The following AFAP1 variants were observed in gnomAD, a reference collection of about 807,000 sequenced individuals.
AFAP1 encodes actin filament-associated protein 1.
Under a neutral mutation model 93.9 loss-of-function variants are expected in AFAP1, and 75 were observed. The ratio of observed to expected loss-of-function variants is 0.80; its 90% CI spans 0.66 to 0.97. AFAP1 has a LOEUF of 0.97. AFAP1 is among the 50% of genes least tolerant of loss of function. The pLI is 0.00. For synonymous variants in AFAP1, 517 were observed against 430.7 expected (o/e 1.20, Z -2.48); for missense variants, 1,201 against 1,050.8 (o/e 1.14, Z -1.98).
chr4:7,876,512 G>GC (rs1717516475), intron 1 of AFAP1, among the ~76,000 whole-genome samples: 1 of 152,180 alleles, frequency 6.6e-6, no homozygotes, highest in Non-Finnish European at 1.5e-5. Context: ...CAGGGCAAGT[G>GC]CAAGTACACG....
intron 6 of AFAP1, among the ~76,000 whole-genome samples, chr4:7,819,917 C>T (rs1349553072): frequency 6.6e-6 from 1 of 152,248 alleles, no homozygotes; most frequent in Middle Eastern, 3.2e-3. Context: ...GCAGGTGCAA[C>T]AGTGCCTACC....
intron 9 of AFAP1, among the ~76,000 whole-genome samples, chr4:7,805,751 G>A (rs1041126029): frequency 6.6e-6 from 1 of 152,242 alleles, no homozygotes; most frequent in Non-Finnish European, 1.5e-5. Context: ...CACAGGCAGT[G>A]AGCCAATGAG....
intron 4 of AFAP1, among the ~76,000 whole-genome samples, chr4:7,844,972 C>G (rs1713511802): frequency 1.3e-5 from 2 of 152,226 alleles, no homozygotes; most frequent in African/African-American, 4.8e-5. Flanking sequence ...ATGGCAGAGT[C>G]TGCACAGAAG....
At chr4:7,912,096 T>G (rs1406981662) in intron 1 of AFAP1, among the ~76,000 whole-genome samples, 3 of 152,162 alleles carry the variant, frequency 2.0e-5, no homozygotes, top group Non-Finnish European at 2.9e-5. Flanking sequence ...GTATTATGCA[T>G]GATGGTGGTT....
intron 4 of AFAP1, among the ~76,000 whole-genome samples, chr4:7,844,939 A>G (rs1713507749): frequency 6.6e-6 from 1 of 152,260 alleles, no homozygotes; most frequent in Admixed American, 6.5e-5. Context: ...ACAATGGCCA[A>G]TGCGGTTGCA....
intron 1 of AFAP1, among the ~76,000 whole-genome samples, chr4:7,925,259 C>T (rs1720663688): frequency 6.6e-6 from 1 of 152,208 alleles, no homozygotes; most frequent in Non-Finnish European, 1.5e-5. Context: ...CCTGGAGAGA[C>T]CATATACCCC....
At chr4:7,767,365 T>A (rs988548482) in intron 17 of AFAP1, among the ~76,000 whole-genome samples, 1 of 152,138 alleles carries the variant, frequency 6.6e-6, no homozygotes, top group Non-Finnish European at 1.5e-5. Flanking sequence ...CCACAGAATT[T>A]TCAGTCCAAT....
intron 2 of AFAP1, 44 bp from the exon 3 acceptor site, chr4:7,868,763 A>G: frequency 2.6e-6 from 4 of 1,558,346 alleles, no homozygotes; most frequent in Non-Finnish European, 3.5e-6. Context: ...GAGGATGGGG[A>G]TGAGAAGGGT....
chr4:7,787,707 G>T (rs1717434597), intron 11 of AFAP1, among the ~76,000 whole-genome samples: 1 of 152,302 alleles, frequency 6.6e-6, no homozygotes, highest in Middle Eastern at 3.4e-3. Flanking sequence ...TCCCCTTCAA[G>T]GAGGGCAGGC....
intron 1 of AFAP1, among the ~76,000 whole-genome samples, chr4:7,929,017 C>A (rs535134077): frequency 6.6e-6 from 1 of 152,206 alleles, no homozygotes; most frequent in African/African-American, 2.4e-5. Flanking sequence ...GCAGAGGCTT[C>A]GGAAATGCCT....
At chr4:7,883,185 CAAA>C (rs34238719) in intron 1 of AFAP1, among the ~76,000 whole-genome samples, 1 of 49,962 alleles carries the variant, frequency 2.0e-5, no homozygotes, top group African/African-American at 7.6e-5. Flanking sequence ...AACCCTATCT[CAAA>C]AAAAAAAAAA....
intron 17 of AFAP1, among the ~76,000 whole-genome samples, chr4:7,765,460 C>T (rs575066779): frequency 2.6e-4 from 39 of 152,324 alleles, no homozygotes; most frequent in Non-Finnish European, 5.1e-4. Context: ...TGTACCTGCC[C>T]CTCCCTACTG....
At chr4:7,885,955 A>G (rs1455403425) in intron 1 of AFAP1, among the ~76,000 whole-genome samples, 2 of 152,126 alleles carry the variant, frequency 1.3e-5, no homozygotes, top group African/African-American at 4.8e-5. Flanking sequence ...GTCCTTGCAT[A>G]TTTTCCCTTA....
intron 3 of AFAP1, among the ~76,000 whole-genome samples, chr4:7,858,803 A>G (rs1307168235): frequency 6.6e-6 from 1 of 152,228 alleles, no homozygotes; most frequent in African/African-American, 2.4e-5. Context: ...AACAACCTTC[A>G]GTGCCCACCC....
chr4:7,860,878 G>C (rs2149156748), intron 3 of AFAP1, among the ~76,000 whole-genome samples: 1 of 152,234 alleles, frequency 6.6e-6, no homozygotes, highest in Non-Finnish European at 1.5e-5. Flanking sequence ...CCGCGCCCAA[G>C]GCAGACCCAG....
rs796486190 is a variant in AFAP1, at chr4:7,850,670, A to G, written c.334+4796T>C. On this transcript the variant is annotated intron_variant, in intron 4 of 17. Coordinates refer to ENST00000420658, the MANE Select transcript of AFAP1 (RefSeq NM_001134647.2). ...GCCAGCACAGGGCGCCAGGCCCTGC[A>G]GAAGCTGTGGCATGTTGCGCACCCT... 6.4e-4 allele frequency among the ~76,000 whole-genome samples: 97 copies of G among 152,352 alleles called. 1 individual carries two copies. The highest frequency in any genetic ancestry group is 2.2e-3 in the African/African-American group (93 of 41,586).
chr4:7,929,551 C>T (rs1217402504), intron 1 of AFAP1, among the ~76,000 whole-genome samples: 1 of 152,210 alleles, frequency 6.6e-6, no homozygotes, highest in Non-Finnish European at 1.5e-5. Context: ...AAATACACCT[C>T]CTCTGTGATG....
chr4:7,883,388 T>C (rs975607902), intron 1 of AFAP1, among the ~76,000 whole-genome samples: 1 of 152,054 alleles, frequency 6.6e-6, no homozygotes, highest in Admixed American at 6.6e-5. Flanking sequence ...CTTGATAAAA[T>C]ACATGTACTA....
intron 8 of AFAP1, among the ~76,000 whole-genome samples, chr4:7,813,402 T>A (rs946313987): frequency 6.6e-6 from 1 of 152,208 alleles, no homozygotes; most frequent in African/African-American, 2.4e-5. Flanking sequence ...ACCGTTTAAT[T>A]CCAAAGCATA....
Sources: gnomAD v4.1 joint callset for allele counts (sites outside exome capture counted in the v4.1 genomes callset) on GRCh38, gnomAD v4.1.1 for gene constraint, MANE v1.5 for transcripts, NCBI Gene and HGNC (gene_info 2026-07-23, HGNC 2026-07-21) for gene names.